Variants in CD96 observed in about 807,000 individuals in gnomAD.
CD96 encodes the protein CD96 molecule.
A neutral mutation model predicts 71.3 loss-of-function variants in CD96; 70 were observed. That is an observed-to-expected ratio of 0.98 (90% confidence interval 0.81 to 1.20). The LOEUF (loss-of-function observed/expected upper bound fraction) is 1.20. CD96 is among the 50% of genes most tolerant of loss of function. The probability of loss-of-function intolerance (pLI) is 0.00; values close to 1 mark genes in which losing one functional copy is unlikely to be tolerated. For synonymous variants in CD96, 248 were observed against 233.0 expected, an observed-to-expected ratio of 1.06 and a Z score of -0.59; for missense variants, 742 against 677.5, an observed-to-expected ratio of 1.10 and a Z score of -1.06.
downstream of CD96, among the ~76,000 whole-genome samples, chr3:111,654,571 C>T (rs940138043): frequency 1.3e-5 from 2 of 152,234 alleles, no homozygotes; most frequent in African/African-American, 4.8e-5. Flanking sequence ...AAACTCTTTC[C>T]TGTTCTGCAC....
intron 2 of CD96, among the ~76,000 whole-genome samples, chr3:111,558,635 C>G (rs1935207180): frequency 7.7e-6 from 1 of 130,234 alleles, no homozygotes; most frequent in Non-Finnish European, 1.6e-5. Context: ...ATTTTTGCAT[C>G]AATGTTCATC....
In CD96 at chr3:111,651,896, A is replaced by AAAAAGAAAGAAAGAAAG. The variant is rs1553713922; in HGVS notation, c.*2093_*2094insAGAAAGAAAGAAAGAAA. 3.4e-5 allele frequency: 5 copies of AAAAAGAAAGAAAGAAAG among 146,386 alleles called. No homozygotes were observed. The highest frequency in any genetic ancestry group is 1.3e-4 in the African/African-American group (5 of 39,320). 9.1% of individuals were successfully genotyped at this position (146,386 alleles called of 1,614,324 possible). A position where few individuals can be genotyped will look rare whatever the true frequency, so the allele number is the denominator to read the frequency against. ...GAGACTCCGCCTCAAAAAAAAAAAA[A>AAAAAGAAAGAAAGAAAG]AAAGAAAGAAAGAAAGAAAGAAAGA... On this transcript the variant is annotated 3_prime_UTR_variant, in exon 14 of 14. Transcript: ENST00000352690.
chr3:111,629,690 A>G (rs939914478), intron 10 of CD96, among the ~76,000 whole-genome samples: 1 of 152,208 alleles, frequency 6.6e-6, no homozygotes, highest in Non-Finnish European at 1.5e-5. Flanking sequence ...AGAACTCTTT[A>G]CCCAAAAACA....
Position 111,600,862 on chromosome 3 carries a change from C to A in CD96, c.1035C>A (p.Val345=), listed in dbSNP as rs1318605017. 1.9e-6 allele frequency: 3 copies of A among 1,612,706 alleles called. No homozygotes were observed. The highest frequency in any genetic ancestry group is 2.5e-6 in the Non-Finnish European group (3 of 1,178,900). ...LTIWCMALSP[V]PGNKVWNISS... Reference sequence around the variant, plus strand: ...TTTGGTGTATGGCTCTGTCTCCAGTCCCAGGAAATAAAGTGTGGAACATCT... The same window carrying A: ...TTTGGTGTATGGCTCTGTCTCCAGTACCAGGAAATAAAGTGTGGAACATCT... The change falls in exon 7 of 14, where the codon GTC becomes GTA. Residue 345 remains valine (V), a synonymous_variant. Transcript: ENST00000352690.
chr3:111,626,243 G>A (rs985499749), intron 10 of CD96, among the ~76,000 whole-genome samples: 3 of 142,796 alleles, frequency 2.1e-5, no homozygotes, highest in Admixed American at 7.4e-5. Context: ...GGAGCTCGCA[G>A]TGAGCCAAGA....
intron 10 of CD96, chr3:111,635,157 T>A (rs1939266040): frequency 6.5e-6 from 1 of 153,270 alleles, no homozygotes; most frequent in Non-Finnish European, 1.5e-5. Context: ...GAATTGTTCA[T>A]CTCTTCATCT....
chr3:111,551,916 C>A (rs1934726937), intron 2 of CD96, among the ~76,000 whole-genome samples: 1 of 152,182 alleles, frequency 6.6e-6, no homozygotes, highest in South Asian at 2.1e-4. Flanking sequence ...CTCCCACCAA[C>A]AGTGTAAAAG....
intron 5 of CD96, among the ~76,000 whole-genome samples, chr3:111,588,576 T>C (rs905246482): frequency 2.0e-5 from 3 of 152,228 alleles, no homozygotes; most frequent in African/African-American, 7.2e-5. Flanking sequence ...ACTCTTCTGA[T>C]ACCAATTTAC....
chr3:111,562,071 G>A (rs1302940192), intron 2 of CD96, among the ~76,000 whole-genome samples: 7 of 152,214 alleles, frequency 4.6e-5, no homozygotes, highest in Non-Finnish European at 8.8e-5. Context: ...TTCGGCTCCC[G>A]CACGGTGCGC....
intron 5 of CD96, among the ~76,000 whole-genome samples, chr3:111,591,112 C>T (rs564354264): frequency 1.3e-5 from 2 of 152,238 alleles, no homozygotes; most frequent in East Asian, 1.9e-4. Flanking sequence ...CAGTGGCTCA[C>T]GCCTGTAATC....
At chr3:111,653,009 C>G (rs1435490226), downstream of CD96, among the ~76,000 whole-genome samples, 1 of 152,070 alleles carries the variant, frequency 6.6e-6, no homozygotes, top group East Asian at 1.9e-4. Context: ...TGTTAGTTAA[C>G]ATTGTTATTC....
chr3:111,650,831 T>C lies in CD96; in HGVS notation c.*1025T>C, dbSNP rs1016552708. ...GCCAGACGTGCTCTGTATTCAGCAA[T>C]AGTTTGTGAATGAATAAATTACTAA... is the stretch of plus-strand genomic sequence containing the variant. On this transcript the variant is annotated 3_prime_UTR_variant, in exon 14 of 14. Coordinates refer to ENST00000352690, the MANE Select transcript of CD96 (RefSeq NM_005816.5). The C allele has an allele frequency of 1.4e-4, 21 of 152,196 alleles. No homozygotes were observed. The highest frequency in any genetic ancestry group is 4.3e-4 in the African/African-American group (18 of 41,438). 9.4% of individuals were successfully genotyped at this position (152,196 alleles called of 1,614,324 possible).
chr3:111,555,590 T>C (rs1339474615), intron 2 of CD96, among the ~76,000 whole-genome samples: 21 of 152,304 alleles, frequency 1.4e-4, no homozygotes, highest in Non-Finnish European at 2.9e-5. Flanking sequence ...CTGAATGGGA[T>C]GAGCTTTTGT....
intron 5 of CD96, among the ~76,000 whole-genome samples, chr3:111,592,470 C>T (rs1004356838): frequency 1.3e-5 from 2 of 152,326 alleles, no homozygotes; most frequent in Non-Finnish European, 2.9e-5. Flanking sequence ...CAAGTTAACT[C>T]ATTAAAATTA....
chr3:111,545,455 C>A, intron 2 of CD96, 53 bp downstream of exon 2: 1 of 1,185,368 alleles, frequency 8.4e-7, no homozygotes, highest in Non-Finnish European at 1.3e-6. Context: ...TCTCATTCAA[C>A]AAATGTACAT....
At chr3:111,555,416 T>TG (rs1934945224) in intron 2 of CD96, among the ~76,000 whole-genome samples, 1 of 152,298 alleles carries the variant, frequency 6.6e-6, no homozygotes, top group Non-Finnish European at 1.5e-5. Context: ...CAAATCTACT[T>TG]GCAATGAATT....
intron 5 of CD96, among the ~76,000 whole-genome samples, chr3:111,587,422 G>T (rs1936766707): frequency 6.6e-6 from 1 of 152,118 alleles, no homozygotes; most frequent in Non-Finnish European, 1.5e-5. Context: ...TGCCAGTGTG[G>T]CTTTGCAGGA....
At chr3:111,653,611 T>C (rs927816015), downstream of CD96, among the ~76,000 whole-genome samples, 10 of 152,190 alleles carry the variant, frequency 6.6e-5, no homozygotes, top group African/African-American at 2.2e-4. Context: ...TTCTGTGAAA[T>C]TGACTTGTCC....
Position 111,650,186 on chromosome 3 carries a change from ATTGTAAACTCT to A in CD96, c.*384_*394del. 4.3e-6 allele frequency: 1 copy of A among 230,520 alleles called. No individual in the cohort carries two copies. The highest frequency in any genetic ancestry group is 8.9e-6 in the Non-Finnish European group (1 of 112,544). The allele number at this position is 230,520 out of a possible 1,614,324, so 14.3% of individuals were successfully genotyped here. ...TCCTCTTATTTGAACATCTATCAAC[ATTGTAAACTCT>A]TTGCCAAAATCCTGGGGCTTTGCTG... On this transcript the variant is annotated 3_prime_UTR_variant, in exon 14 of 14. Coordinates refer to ENST00000352690, the MANE Select transcript of CD96 (RefSeq NM_005816.5).
Sources: allele counts gnomAD v4.1 joint callset (sites outside exome capture counted in the v4.1 genomes callset), GRCh38; gene constraint gnomAD v4.1.1; transcripts MANE v1.5; gene names NCBI Gene and HGNC (gene_info 2026-07-23, HGNC 2026-07-21).